The following HERC3 variants were observed in gnomAD, a reference collection of about 807,000 sequenced individuals.
HERC3 encodes HECT and RLD domain containing E3 ubiquitin protein ligase 3.
In HERC3, 58 loss-of-function variants were observed where a neutral mutation model predicts 129.9. The observed-to-expected ratio is 0.45, with a 90% CI of 0.36 to 0.56. The LOEUF is 0.56. HERC3 is among the 20% of genes least tolerant of loss of function. The pLI is 0.00. For synonymous variants in HERC3, 430 were observed against 451.0 expected, an observed-to-expected ratio of 0.95 and a Z score of 0.59; for missense variants, 835 against 1,244.2, an observed-to-expected ratio of 0.67 and a Z score of 4.95.
intron 3 of HERC3, among the ~76,000 whole-genome samples, chr4:88,646,804 C>T (rs780415870): frequency 2.6e-5 from 4 of 152,160 alleles, no homozygotes; most frequent in Non-Finnish European, 5.9e-5. Context: ...CTGAATTAGA[C>T]GAGCGCAGTT....
the HERC3 span, among the ~76,000 whole-genome samples, chr4:88,564,314 G>C: frequency 1.3e-5 from 2 of 152,152 alleles, no homozygotes; most frequent in South Asian, 4.1e-4. Context: ...GAATGAGTTT[G>C]GAAGTACTCC....
chr4:88,575,327 C>A, the HERC3 span, among the ~76,000 whole-genome samples: 2 of 152,138 alleles, frequency 1.3e-5, no homozygotes, highest in Admixed American at 6.5e-5. Context: ...AAACCGTGTT[C>A]CCTAAGAGTT....
At chr4:88,604,218 C>T (rs1399832500) in intron 2 of HERC3, among the ~76,000 whole-genome samples, 2 of 152,178 alleles carry the variant, frequency 1.3e-5, no homozygotes, top group African/African-American at 4.8e-5. Context: ...GGGGTCTCCC[C>T]ATGTTGGTCA....
At chr4:88,683,262 C>A (rs1189720248) in intron 21 of HERC3, among the ~76,000 whole-genome samples, 1 of 152,064 alleles carries the variant, frequency 6.6e-6, no homozygotes, top group African/African-American at 2.4e-5. Flanking sequence ...TATAAAAGGA[C>A]AACTTTAACG....
chr4:88,649,476 AAT>A (rs1199009583), intron 3 of HERC3, among the ~76,000 whole-genome samples: 1 of 152,090 alleles, frequency 6.6e-6, no homozygotes, highest in Non-Finnish European at 1.5e-5. Context: ...TACTTTTAGA[AAT>A]ATGTTTCATT....
At chr4:88,551,595 C>T in the HERC3 span, among the ~76,000 whole-genome samples, 3 of 151,856 alleles carry the variant, frequency 2.0e-5, no homozygotes, top group South Asian at 2.1e-4. Context: ...TACCATCTCA[C>T]ACCAGTTAGA....
chr4:88,680,646 GT>G (rs1432420745), intron 20 of HERC3, among the ~76,000 whole-genome samples: 2 of 152,200 alleles, frequency 1.3e-5, no homozygotes, highest in Admixed American at 6.5e-5. Flanking sequence ...TTTTAAAGGC[GT>G]TCTAATTTCA....
chr4:88,535,107 A>T, the HERC3 span, among the ~76,000 whole-genome samples: 1 of 152,216 alleles, frequency 6.6e-6, no homozygotes, highest in Non-Finnish European at 1.5e-5. Flanking sequence ...TCATGGCTAG[A>T]TGAAAGTAAA....
intron 4 of HERC3, among the ~76,000 whole-genome samples, chr4:88,651,495 A>G (rs912337891): frequency 6.6e-6 from 1 of 152,182 alleles, no homozygotes; most frequent in Non-Finnish European, 1.5e-5. Flanking sequence ...ATTACTTACT[A>G]TGTACCTTAC....
the HERC3 span, among the ~76,000 whole-genome samples, chr4:88,580,528 GA>G: frequency 6.6e-6 from 1 of 151,362 alleles, no homozygotes; most frequent in South Asian, 2.1e-4. Context: ...TTAAAAAAAG[GA>G]AAAAAAAGGA....
chr4:88,647,643 C>T (rs1403843467), intron 3 of HERC3, among the ~76,000 whole-genome samples: 1 of 152,024 alleles, frequency 6.6e-6, no homozygotes. Context: ...CAGAATCTTT[C>T]TGTTTATTAT....
At chr4:88,663,414 A>G (rs987811268) in intron 11 of HERC3, among the ~76,000 whole-genome samples, 1 of 152,172 alleles carries the variant, frequency 6.6e-6, no homozygotes, top group Non-Finnish European at 1.5e-5. Context: ...GCTGGGGTCC[A>G]GCAAGGGAAA....
At chr4:88,595,100 C>CAAAAAAAAAAAAAAAAA in intron 1 of HERC3, among the ~76,000 whole-genome samples, 1 of 60,082 alleles carries the variant, frequency 1.7e-5, no homozygotes, top group Non-Finnish European at 2.9e-5. Context: ...GACTCTGTCT[C>CAAAAAAAAAAAAAAAAA]AAAAAAAAAA....
intron 16 of HERC3, among the ~76,000 whole-genome samples, chr4:88,671,776 G>A (rs1004626110): frequency 1.3e-5 from 2 of 152,002 alleles, no homozygotes; most frequent in Non-Finnish European, 2.9e-5. Context: ...CACCAGCCTC[G>A]GCCTCCCAAA....
intron 3 of HERC3, among the ~76,000 whole-genome samples, chr4:88,642,268 A>G (rs1728201690): frequency 6.6e-6 from 1 of 152,218 alleles, no homozygotes; most frequent in Admixed American, 6.5e-5. Flanking sequence ...CAATAGGAAA[A>G]ACAGTCTAAA....
the HERC3 span, among the ~76,000 whole-genome samples, chr4:88,574,519 A>T: frequency 6.6e-6 from 1 of 152,226 alleles, no homozygotes; most frequent in Admixed American, 6.5e-5. Flanking sequence ...CATCACCACC[A>T]TCCATCTCCA....
At chr4:88,560,698 G>C in the HERC3 span, among the ~76,000 whole-genome samples, 4 of 152,182 alleles carry the variant, frequency 2.6e-5, no homozygotes, top group South Asian at 2.1e-4. Context: ...ATGTTCTCAT[G>C]TAGGAGTTTT....
At chr4:88,643,153 A>G (rs1010350641) in intron 3 of HERC3, among the ~76,000 whole-genome samples, 2 of 152,230 alleles carry the variant, frequency 1.3e-5, no homozygotes. Context: ...CCAAACAAAT[A>G]AAATACTTAG....
chr4:88,707,029 ATGGGGAGTGATTTC>A lies in HERC3; in HGVS notation c.*71_*84del. 3 of 1,209,136 alleles carry A rather than the reference ATGGGGAGTGATTTC, an allele frequency of 2.5e-6. No individual in the cohort carries two copies. In the African/African-American group the frequency reaches 4.5e-5, roughly 18 times the overall value. The allele number at this position is 1,209,136 out of a possible 1,614,324, so 74.9% of individuals were successfully genotyped here. On this transcript the variant is annotated 3_prime_UTR_variant, in exon 26 of 26. Transcript: ENST00000402738. ...CACATTGAGGCCTATACAGAAAATC[ATGGGGAGTGATTTC>A]TATTTTTTTATTGTCTAAGTGGGTT...
Sources: allele counts gnomAD v4.1 joint callset (sites outside exome capture counted in the v4.1 genomes callset), GRCh38; gene constraint gnomAD v4.1.1; transcripts MANE v1.5; gene names NCBI Gene and HGNC (gene_info 2026-07-23, HGNC 2026-07-21).